PPARGC1B: variants seen among roughly 807,000 people sequenced by gnomAD.
PPARGC1B encodes the protein PPARG coactivator 1 beta.
Under a neutral mutation model 101.6 loss-of-function variants are expected in PPARGC1B, and 34 were observed. That is an observed-to-expected ratio of 0.33 (90% CI 0.25 to 0.45). The LOEUF is 0.45. PPARGC1B is among the 20% of genes least tolerant of loss of function. The pLI, the probability that PPARGC1B is intolerant of heterozygous loss-of-function variation, is 1.00. For missense variants in PPARGC1B, 1,234 were observed against 1,317.6 expected (o/e 0.94, Z 0.98); for synonymous variants, 548 against 539.3 (o/e 1.02, Z -0.22).
Position 149,762,613 on chromosome 5 carries a change from A to T in PPARGC1B, c.78+32193A>T, listed in dbSNP as rs1244789975. ...GGGATTTTAGAGGGTGTGTTATCCA[A>T]ATAGCCTCCCAGGCAGGGCTTGGGC... is the stretch of plus-strand genomic sequence containing the variant. On this transcript the variant is annotated intron_variant, in intron 1 of 11. Coordinates refer to ENST00000309241, the MANE Select transcript of PPARGC1B (RefSeq NM_133263.4). Among the ~76,000 whole-genome samples the T allele has an allele frequency of 2.6e-5, 4 of 152,290 alleles. No homozygotes were observed. The South Asian group carries it at 6.2e-4, about 24-fold the overall frequency.
chr5:149,741,650 C>A (rs982540430), intron 1 of PPARGC1B, among the ~76,000 whole-genome samples: 2 of 145,402 alleles, frequency 1.4e-5, no homozygotes, highest in African/African-American at 5.1e-5. Context: ...TTTCGTGAGA[C>A]AGAGTCTTAC....
At chr5:149,818,212 G>T (rs549985236) in intron 1 of PPARGC1B, among the ~76,000 whole-genome samples, 13 of 152,342 alleles carry the variant, frequency 8.5e-5, no homozygotes, top group African/African-American at 2.2e-4. Flanking sequence ...ATCAGGTTCA[G>T]AAGTGTTCTG....
At chr5:149,820,293 G>A (rs936926695) in intron 1 of PPARGC1B, 140 bp from the exon 2 acceptor site, 12 of 765,324 alleles carry the variant, frequency 1.6e-5, no homozygotes, top group Non-Finnish European at 2.4e-5. Flanking sequence ...GGGTGAAGCT[G>A]ATCTTTCCAT....
At chr5:149,821,641 G>T (rs1758300478) in intron 2 of PPARGC1B, among the ~76,000 whole-genome samples, 1 of 152,158 alleles carries the variant, frequency 6.6e-6, no homozygotes, top group Non-Finnish European at 1.5e-5. Flanking sequence ...ACACCAAGGT[G>T]GTGTGCCGCA....
chr5:149,838,422 TC>T (rs1759199308), intron 8 of PPARGC1B, among the ~76,000 whole-genome samples: 1 of 138,920 alleles, frequency 7.2e-6, no homozygotes, highest in Admixed American at 8.8e-5. Context: ...TCGCTGAGCC[TC>T]TCTTTCTGGC....
chr5:149,772,047 A>G (rs751353606), intron 1 of PPARGC1B: 79 of 1,525,454 alleles, frequency 5.2e-5, no homozygotes, highest in Non-Finnish European at 6.7e-5. Flanking sequence ...TAGACGTGCC[A>G]GGCTGTGCAC....
rs1759717284 is a variant in PPARGC1B, at chr5:149,850,189, C to T, written c.*2631C>T. On this transcript the variant is annotated 3_prime_UTR_variant, in exon 12 of 12. Transcript: ENST00000309241. ...GTCCATATATGATCTCTTAGCCCCT[C>T]CTATTTGCTTCTTCCTTGATTGCTC... The T allele has an allele frequency of 6.6e-6, 1 of 152,230 alleles. No homozygotes were observed. Among genetic ancestry groups the T allele is most frequent in the South Asian group, 2.1e-4 (1 of 4,832 alleles). The allele number at this position is 152,230 out of a possible 1,614,324, so 9.4% of individuals were successfully genotyped here. A position where few individuals can be genotyped will look rare whatever the true frequency, so the allele number is the denominator to read the frequency against.
intron 1 of PPARGC1B, among the ~76,000 whole-genome samples, chr5:149,805,709 A>G (rs755133134): frequency 8.5e-5 from 13 of 152,246 alleles, no homozygotes; most frequent in Middle Eastern, 6.3e-3. Context: ...TGCTGGGATT[A>G]CAGGTGTAAG....
chr5:149,752,935 A>T (rs1755371590), intron 1 of PPARGC1B, among the ~76,000 whole-genome samples: 1 of 152,208 alleles, frequency 6.6e-6, no homozygotes, highest in African/African-American at 2.4e-5. Context: ...TTGTGTTTCC[A>T]TCCCCAGAGC....
intron 1 of PPARGC1B, among the ~76,000 whole-genome samples, chr5:149,756,515 T>G (rs1286733719): frequency 6.6e-6 from 1 of 152,064 alleles, no homozygotes; most frequent in Non-Finnish European, 1.5e-5. Context: ...CATACTAAAG[T>G]GCCTGTTATG....
chr5:149,831,731 C>T (rs919522385), intron 4 of PPARGC1B, among the ~76,000 whole-genome samples: 1 of 152,174 alleles, frequency 6.6e-6, no homozygotes, highest in African/African-American at 2.4e-5. Flanking sequence ...TAGAAAGTCC[C>T]AGCACAACGA....
intron 1 of PPARGC1B, among the ~76,000 whole-genome samples, chr5:149,733,770 A>G (rs1439002730): frequency 5.9e-5 from 9 of 152,262 alleles, no homozygotes; most frequent in Non-Finnish European, 1.3e-4. Context: ...GCAAGTCCAC[A>G]CTAAATATGG....
At position 149,826,764 on chromosome 5, in the gene PPARGC1B, C is replaced by T; in HGVS notation, c.344C>T (p.Ala115Val). 1.9e-6 allele frequency: 3 copies of T among 1,614,070 alleles called. No individual in the cohort carries two copies. The highest frequency in any genetic ancestry group is 2.5e-6 in the Non-Finnish European group (3 of 1,179,948). The change falls in exon 3 of 12, where the codon GCC (alanine) becomes GTC (valine). Residue 115 changes from alanine to valine, a missense_variant. Transcript: ENST00000309241. ...GACGTGGGTCTGGCTGCCTTCCCAG[C>T]CCTGGATGGTGGAGACGCTCTATCA... is the stretch of plus-strand genomic sequence containing the variant. ...EDDVGLAAFPALDGGDALSCT... is the reference protein window; with the variant it reads ...EDDVGLAAFPVLDGGDALSCT...
At chr5:149,801,495 A>G (rs1240795219) in intron 1 of PPARGC1B, among the ~76,000 whole-genome samples, 2 of 152,154 alleles carry the variant, frequency 1.3e-5, no homozygotes, top group African/African-American at 4.8e-5. Flanking sequence ...CAGGGGTGGA[A>G]AGAAGCCAGC....
chr5:149,763,524 TG>T (rs1755789236), intron 1 of PPARGC1B, among the ~76,000 whole-genome samples: 8 of 126,226 alleles, frequency 6.3e-5, no homozygotes, highest in East Asian at 2.5e-4. Context: ...CATTCACTCC[TG>T]GTTTTTTTTT....
chr5:149,782,774 A>G (rs1415280743), intron 1 of PPARGC1B, among the ~76,000 whole-genome samples: 7 of 152,204 alleles, frequency 4.6e-5, no homozygotes, highest in Admixed American at 4.6e-4. Context: ...TTGCCAGCCA[A>G]TCACAGGGCC....
chr5:149,817,788 C>G (rs1274699225), intron 1 of PPARGC1B: 2 of 456,598 alleles, frequency 4.4e-6, no homozygotes, highest in Admixed American at 4.7e-5. Context: ...AGTGAGTGTT[C>G]TCTCATTGTG....
At chr5:149,774,210 C>T (rs549964750) in intron 1 of PPARGC1B, among the ~76,000 whole-genome samples, 6 of 152,322 alleles carry the variant, frequency 3.9e-5, no homozygotes, top group Non-Finnish European at 8.8e-5. Flanking sequence ...GGCAGAGAGC[C>T]TGTGGAGTCC....
In PPARGC1B at chr5:149,732,197, C is replaced by T. The variant is rs116551126; in HGVS notation, c.78+1777C>T. Among the ~76,000 whole-genome samples, 3 of 152,188 alleles carry T rather than the reference C, an allele frequency of 2.0e-5. No individual in the cohort carries two copies. In the South Asian group the frequency reaches 6.2e-4, roughly 31 times the overall value. On this transcript the variant is annotated intron_variant, in intron 1 of 11. Coordinates refer to ENST00000309241, the MANE Select transcript of PPARGC1B (RefSeq NM_133263.4). The stretch of plus-strand genomic sequence containing the variant: ...GCCGGTGTCTGCGCCGAAGGCAGGT[C>T]CCAGCCTCAGTACCCCCAGAGCCGA...
Sources: gnomAD v4.1 joint callset for allele counts (sites outside exome capture counted in the v4.1 genomes callset) on GRCh38, gnomAD v4.1.1 for gene constraint, MANE v1.5 for transcripts, NCBI Gene and HGNC (gene_info 2026-07-23, HGNC 2026-07-21) for gene names.